The following PITPNM2 variants were observed in gnomAD, a reference collection of about 807,000 sequenced individuals.
PITPNM2 encodes phosphatidylinositol transfer protein membrane associated 2.
Under a neutral mutation model 132.2 loss-of-function variants are expected in PITPNM2, and 35 were observed. The ratio of observed to expected loss-of-function variants is 0.26; its 90% CI spans 0.20 to 0.35. PITPNM2 has a LOEUF of 0.35. Among genes scored for constraint, PITPNM2 ranks in the 10% least tolerant of loss-of-function variants. The pLI is 1.00. For missense variants in PITPNM2, 1,332 were observed against 1,912.0 expected (o/e 0.70, Z 5.66); for synonymous variants, 738 against 799.2 (o/e 0.92, Z 1.29).
chr12:123,145,103 G>A (rs1263895102), intron 1 of PITPNM2, among the ~76,000 whole-genome samples: 1 of 152,106 alleles, frequency 6.6e-6, no homozygotes, highest in East Asian at 1.9e-4. Context: ...TTGGGCCCAG[G>A]AGTTTGAAGC....
intron 1 of PITPNM2, among the ~76,000 whole-genome samples, chr12:123,129,848 A>T (rs530451707): frequency 2.5e-4 from 38 of 151,968 alleles, no homozygotes; most frequent in Non-Finnish European, 4.7e-4. Context: ...CACACACATG[A>T]ACATGCACAC....
rs1207307550 is a variant in PITPNM2, at chr12:123,099,032, G to A, written c.-96+11353C>T. On this transcript the variant is annotated intron_variant, in intron 2 of 25. Transcript: ENST00000320201. This position sits in a 1 kb window ranked among gnomAD's most constrained non-coding sequence, Gnocchi z 4.2. ...TCTTCTCCATCAGATGTCAGCTGCT[G>A]CCTTCTCTCTGCTCTAGCTGCACTC... Among the ~76,000 whole-genome samples the A allele has an allele frequency of 1.3e-5, 2 of 152,086 alleles. No homozygotes were observed. The highest frequency in any genetic ancestry group is 2.9e-5 in the Non-Finnish European group (2 of 68,020).
rs975015006 is a variant in PITPNM2, at chr12:123,036,482, A to G, written c.-95-1797T>C. ...GGACTGCTTGAGGTCAAGCAAGCTC[A>G]AGACCAGCCTGGGAAACATAGCAAG... is the stretch of plus-strand genomic sequence containing the variant. On this transcript the variant is annotated intron_variant, in intron 2 of 25. Coordinates refer to ENST00000320201, the MANE Select transcript of PITPNM2 (RefSeq NM_020845.3). The surrounding 1 kb of genome is among the most constrained non-coding windows in gnomAD (Gnocchi z 4.1). Among the ~76,000 whole-genome samples, 2 of 152,168 alleles carry G rather than the reference A, an allele frequency of 1.3e-5. No homozygotes were observed. The highest frequency in any genetic ancestry group is 4.8e-5 in the African/African-American group (2 of 41,448).
intron 1 of PITPNM2, chr12:123,149,794 G>A (rs1169410901): frequency 6.6e-6 from 1 of 152,394 alleles, no homozygotes; most frequent in East Asian, 1.9e-4. Flanking sequence ...CTCCAGAAGT[G>A]GGGGGTCTAT....
intron 1 of PITPNM2, among the ~76,000 whole-genome samples, chr12:123,144,663 C>T (rs890829504): frequency 2.0e-5 from 3 of 152,174 alleles, no homozygotes; most frequent in African/African-American, 7.2e-5. Context: ...ATCTCTTGAC[C>T]TCATTATCTG....
At chr12:123,021,486 A>G (rs2039669243) in intron 3 of PITPNM2, among the ~76,000 whole-genome samples, 1 of 152,116 alleles carries the variant, frequency 6.6e-6, no homozygotes, top group South Asian at 2.1e-4. Flanking sequence ...CGTGCACCCC[A>G]CCACACCCAG....
chr12:123,122,367 C>G (rs1262080491), intron 1 of PITPNM2, among the ~76,000 whole-genome samples: 1 of 152,140 alleles, frequency 6.6e-6, no homozygotes, highest in Non-Finnish European at 1.5e-5. Flanking sequence ...GAGGCTGAGG[C>G]AGGAGAATCG....
chr12:123,110,359 G>A (rs1051899151), intron 2 of PITPNM2, 26 bp downstream of exon 2: 4 of 152,310 alleles, frequency 2.6e-5, no homozygotes, highest in Admixed American at 6.5e-5. Context: ...GAAGTAGGGT[G>A]CTACTGCACA....
chr12:123,017,294 C>T (rs960183932), intron 3 of PITPNM2, among the ~76,000 whole-genome samples: 10 of 151,808 alleles, frequency 6.6e-5, no homozygotes, highest in Non-Finnish European at 1.5e-4. Flanking sequence ...ATTGCTTGAA[C>T]CCAGGAGGCA....
chr12:123,080,715 A>C (rs1566282975), intron 2 of PITPNM2, among the ~76,000 whole-genome samples: 1 of 152,138 alleles, frequency 6.6e-6, no homozygotes, highest in Non-Finnish European at 1.5e-5. Context: ...ATCAAATGAA[A>C]CCCGGTGCCA....
At position 123,099,292 on chromosome 12, in the gene PITPNM2, T is replaced by C. The variant is rs2042492608; in HGVS notation, c.-96+11093A>G. ...AATGAAACCTCATACCAGGACTCCCTTTGGAGATGAGGGCAAAGGCAAGTC... is the reference window on the plus strand; with the variant it reads ...AATGAAACCTCATACCAGGACTCCCCTTGGAGATGAGGGCAAAGGCAAGTC... On this transcript the variant is annotated intron_variant, in intron 2 of 25. Coordinates refer to ENST00000320201, the MANE Select transcript of PITPNM2 (RefSeq NM_020845.3). This position sits in a 1 kb window ranked among gnomAD's most constrained non-coding sequence, Gnocchi z 4.2. Among the ~76,000 whole-genome samples, 2 of 152,112 alleles carry C rather than the reference T, an allele frequency of 1.3e-5. No homozygotes were observed. Among genetic ancestry groups the C allele is most frequent in the African/African-American group, 4.8e-5 (2 of 41,410 alleles).
chr12:123,035,640 T>C (rs2040241715), intron 2 of PITPNM2, among the ~76,000 whole-genome samples: 1 of 149,214 alleles, frequency 6.7e-6, no homozygotes, highest in Non-Finnish European at 1.5e-5. Context: ...CACTCCAGCC[T>C]GGGGGACAAG....
chr12:123,151,717 C>T (rs532219325), upstream of PITPNM2, among the ~76,000 whole-genome samples: 25 of 152,246 alleles, frequency 1.6e-4, 1 homozygote, highest in South Asian at 5.2e-3. Context: ...ATGGGAAGAG[C>T]CCCCGGTGGG....
At chr12:122,997,850 G>A (rs2038497431) in intron 10 of PITPNM2, among the ~76,000 whole-genome samples, 1 of 152,192 alleles carries the variant, frequency 6.6e-6, no homozygotes, top group Admixed American at 6.5e-5. Context: ...CCCTCACCAG[G>A]GGCACAGAGG....
chr12:123,051,398 C>T (rs539993416), intron 2 of PITPNM2, among the ~76,000 whole-genome samples: 2 of 152,352 alleles, frequency 1.3e-5, no homozygotes, highest in South Asian at 2.1e-4. Context: ...ACTTTCTCCA[C>T]GTATGTGTCT....
intron 1 of PITPNM2, among the ~76,000 whole-genome samples, chr12:123,141,663 C>A (rs2043509758): frequency 6.6e-6 from 1 of 152,190 alleles, no homozygotes; most frequent in African/African-American, 2.4e-5. Flanking sequence ...GTATAGGAGC[C>A]ACTGGCCTGA....
At chr12:122,986,871 C>T in intron 23 of PITPNM2, 42 bp from the exon 24 acceptor site, 1 of 1,543,096 alleles carries the variant, frequency 6.5e-7, no homozygotes, top group South Asian at 1.2e-5. Context: ...CTTCCTCCCT[C>T]CTGGGCCTCC....
At chr12:123,068,274 T>C (rs1005082485) in intron 2 of PITPNM2, among the ~76,000 whole-genome samples, 22 of 152,154 alleles carry the variant, frequency 1.4e-4, no homozygotes, top group Non-Finnish European at 2.6e-4. Context: ...GAGAACATCC[T>C]GGCTAACACG....
chr12:123,017,927 C>T (rs998770867), intron 3 of PITPNM2, among the ~76,000 whole-genome samples: 2 of 151,196 alleles, frequency 1.3e-5, no homozygotes, highest in Non-Finnish European at 3.0e-5. Context: ...TCCATCCCTT[C>T]CTCCCTCCCT....
Sources: allele counts gnomAD v4.1 joint callset (sites outside exome capture counted in the v4.1 genomes callset), GRCh38; gene constraint gnomAD v4.1.1; non-coding constraint Gnocchi (gnomAD v3.1); transcripts MANE v1.5; gene names NCBI Gene and HGNC (gene_info 2026-07-23, HGNC 2026-07-21).